PLCXD3: variants seen among roughly 807,000 people sequenced by gnomAD.
PLCXD3 encodes phosphatidylinositol specific phospholipase C X domain containing 3.
Under a neutral mutation model 25.5 loss-of-function variants are expected in PLCXD3, and 19 were observed. The ratio of observed to expected loss-of-function variants is 0.75; its 90% CI spans 0.52 to 1.09. The LOEUF (loss-of-function observed/expected upper bound fraction) is 1.09. Among genes scored for constraint, PLCXD3 ranks in the 50% least tolerant of loss-of-function variants. The probability of loss-of-function intolerance (pLI) is 0.00; values close to 1 mark genes in which losing one functional copy is unlikely to be tolerated. For missense variants in PLCXD3, 411 were observed against 388.1 expected, an observed-to-expected ratio of 1.06 and a Z score of -0.50; for synonymous variants, 174 against 137.6, an observed-to-expected ratio of 1.26 and a Z score of -1.85.
At chr5:41,492,625 T>C (rs1259578297) in intron 1 of PLCXD3, among the ~76,000 whole-genome samples, 1 of 152,184 alleles carries the variant, frequency 6.6e-6, no homozygotes, top group Non-Finnish European at 1.5e-5. Flanking sequence ...TTGGAGGCTT[T>C]GTTCGTTTCT....
chr5:41,426,566 T>C (rs1746961165), intron 1 of PLCXD3, among the ~76,000 whole-genome samples: 1 of 152,070 alleles, frequency 6.6e-6, no homozygotes, highest in African/African-American at 2.4e-5. Context: ...ATATAATGTT[T>C]TTACCCTTTT....
rs769905015 is a variant in PLCXD3, at chr5:41,382,266, G to A, written c.372C>T (p.Gly124=). 3.1e-6 allele frequency: 5 copies of A among 1,613,546 alleles called. No homozygotes were observed. In the South Asian group the frequency reaches 3.3e-5, roughly 11 times the overall value. ...TGAGGAATGCATTGATCTCCTCAAG[G>A]CCTTCATTGACTTTGGCACTGAACA... ...HGLFSAKVNE[G]LEEINAFLTD... is the part of the protein sequence containing the mutation. The change falls in exon 2 of 3, where the codon GGC becomes GGT. Residue 124 remains glycine, a synonymous_variant. Transcript: ENST00000377801.
intron 1 of PLCXD3, among the ~76,000 whole-genome samples, chr5:41,476,712 G>A (rs1306636048): frequency 1.3e-5 from 2 of 152,152 alleles, no homozygotes; most frequent in African/African-American, 2.4e-5. Context: ...GTGACCATAT[G>A]CTGAGTCCTG....
intron 2 of PLCXD3, among the ~76,000 whole-genome samples, chr5:41,330,507 T>C (rs1241106745): frequency 6.6e-6 from 1 of 152,158 alleles, no homozygotes; most frequent in Non-Finnish European, 1.5e-5. Flanking sequence ...AGCCGAATTC[T>C]ACCAGAGGTA....
At chr5:41,360,339 T>G (rs1744736956) in intron 2 of PLCXD3, among the ~76,000 whole-genome samples, 1 of 152,250 alleles carries the variant, frequency 6.6e-6, no homozygotes, top group Non-Finnish European at 1.5e-5. Context: ...ATCAACCTTC[T>G]GAATTATTTT....
intron 1 of PLCXD3, among the ~76,000 whole-genome samples, chr5:41,428,308 A>G (rs1747009836): frequency 6.6e-6 from 1 of 150,998 alleles, no homozygotes; most frequent in African/African-American, 2.4e-5. Context: ...TCAAATTCAT[A>G]TGTTGAAGCC....
At chr5:41,494,518 T>G (rs1748792599) in intron 1 of PLCXD3, among the ~76,000 whole-genome samples, 1 of 152,220 alleles carries the variant, frequency 6.6e-6, no homozygotes. Context: ...TCCTAGATTT[T>G]GGGCTTGGGA....
chr5:41,465,010 G>T (rs1747980714), intron 1 of PLCXD3, among the ~76,000 whole-genome samples: 1 of 151,804 alleles, frequency 6.6e-6, no homozygotes, highest in South Asian at 2.1e-4. Flanking sequence ...ATCATCCCTT[G>T]TTCTTATTTT....
At chr5:41,450,726 C>T (rs1385029982) in intron 1 of PLCXD3, among the ~76,000 whole-genome samples, 4 of 152,022 alleles carry the variant, frequency 2.6e-5, no homozygotes, top group Admixed American at 6.6e-5. Flanking sequence ...TCCTAAGTCC[C>T]CGGGCTGCCT....
At chr5:41,337,585 A>G (rs1744021236) in intron 2 of PLCXD3, among the ~76,000 whole-genome samples, 1 of 152,182 alleles carries the variant, frequency 6.6e-6, no homozygotes, top group Non-Finnish European at 1.5e-5. Context: ...AACAGGCAGA[A>G]GGAATGAATA....
At chr5:41,350,609 T>C (rs913129437) in intron 2 of PLCXD3, among the ~76,000 whole-genome samples, 9 of 152,076 alleles carry the variant, frequency 5.9e-5, no homozygotes, top group Admixed American at 3.3e-4. Flanking sequence ...AAAAATACAA[T>C]AGGGTATTCT....
At chr5:41,431,825 C>T (rs1330691075) in intron 1 of PLCXD3, among the ~76,000 whole-genome samples, 1 of 152,080 alleles carries the variant, frequency 6.6e-6, no homozygotes, top group Non-Finnish European at 1.5e-5. Flanking sequence ...TCAAATCACA[C>T]TTTATTTTTA....
rs79337734 is a variant in PLCXD3, at chr5:41,449,645, T to C, written c.103+60779A>G. ...TACACTGATAAGCAGAATAACATTGTGAGAAGTGGGGTTCCATCCTACTGG... is the reference window on the plus strand; with the variant it reads ...TACACTGATAAGCAGAATAACATTGCGAGAAGTGGGGTTCCATCCTACTGG... On this transcript the variant is annotated intron_variant, in intron 1 of 2. Coordinates refer to ENST00000377801, the MANE Select transcript of PLCXD3 (RefSeq NM_001005473.3). Among the ~76,000 whole-genome samples the C allele has an allele frequency of 5.9e-3, 898 of 152,222 alleles. 14 individuals are homozygous for C. Among genetic ancestry groups the C allele is most frequent in the African/African-American group, 0.021 (865 of 41,546 alleles).
At chr5:41,425,232 C>T (rs1171428186) in intron 1 of PLCXD3, among the ~76,000 whole-genome samples, 2 of 151,832 alleles carry the variant, frequency 1.3e-5, no homozygotes, top group South Asian at 2.1e-4. Flanking sequence ...CCTTTACTTT[C>T]AACCTTTTTG....
At chr5:41,353,861 A>G (rs1460953) in intron 2 of PLCXD3, among the ~76,000 whole-genome samples, 12,863 of 152,066 alleles carry the variant, frequency 0.085, 831 homozygotes, top group East Asian at 0.35. Flanking sequence ...GGTATCAATG[A>G]CTCTGAATTT....
intron 1 of PLCXD3, among the ~76,000 whole-genome samples, chr5:41,458,741 T>C (rs1747809079): frequency 6.6e-6 from 1 of 151,826 alleles, no homozygotes; most frequent in Admixed American, 6.6e-5. Flanking sequence ...AAATGAAAAA[T>C]AAGAGTTCAG....
intron 1 of PLCXD3, among the ~76,000 whole-genome samples, chr5:41,410,986 T>G (rs1412080294): frequency 6.6e-6 from 1 of 152,090 alleles, no homozygotes; most frequent in Non-Finnish European, 1.5e-5. Context: ...CAGGAGCAGC[T>G]CTTATGTGGG....
At chr5:41,505,776 A>G (rs1433400086) in intron 1 of PLCXD3, among the ~76,000 whole-genome samples, 3 of 152,256 alleles carry the variant, frequency 2.0e-5, no homozygotes, top group African/African-American at 7.2e-5. Context: ...CAATTAAGTC[A>G]CATTTATTGC....
chr5:41,456,352 T>C (rs928039305), intron 1 of PLCXD3, among the ~76,000 whole-genome samples: 1 of 151,956 alleles, frequency 6.6e-6, no homozygotes, highest in African/African-American at 2.4e-5. Context: ...TAAATATCCA[T>C]CATACTTCTT....
Sources: gnomAD v4.1 joint callset for allele counts (sites outside exome capture counted in the v4.1 genomes callset) on GRCh38, gnomAD v4.1.1 for gene constraint, MANE v1.5 for transcripts, NCBI Gene and HGNC (gene_info 2026-07-23, HGNC 2026-07-21) for gene names.